Variants in UGT2A1 observed in about 807,000 individuals in gnomAD.
The protein encoded by UGT2A1 is UDP-glucuronosyltransferase 2A1.
UGT2A1 carries 61 observed loss-of-function variants against 45.4 expected under a neutral mutation model. The ratio of observed to expected loss-of-function variants is 1.34; its 90% CI spans 1.09 to 1.66. UGT2A1 has a LOEUF of 1.66. Among genes scored for constraint, UGT2A1 ranks in the 40% most tolerant of loss-of-function variants. The probability of loss-of-function intolerance (pLI) is 0.00; values close to 1 mark genes in which losing one functional copy is unlikely to be tolerated. For synonymous variants in UGT2A1, 229 were observed against 196.2 expected (o/e 1.17, Z -1.40); for missense variants, 649 against 574.3 (o/e 1.13, Z -1.33).
At chr4:69,651,954 C>T (rs1039113616) in intron 1 of UGT2A1, among the ~76,000 whole-genome samples, 14 of 152,274 alleles carry the variant, frequency 9.2e-5, no homozygotes, top group Middle Eastern at 3.4e-3. Context: ...GTCCTAGGAT[C>T]GAGGTTAAAC....
Position 69,589,234 on chromosome 4 carries a change from C to T in UGT2A1, c.*138G>A, listed in dbSNP as rs1053563082. ...CTAGGCTTTATCAGTAGGCTTATCG[C>T]AGGTAGAGAAATAGAAAATTTGGAA... On this transcript the variant is annotated 3_prime_UTR_variant, in exon 7 of 7. Transcript: ENST00000286604. 3.5e-6 allele frequency: 4 copies of T among 1,127,208 alleles called. No homozygotes were observed. The highest frequency in any genetic ancestry group is 4.8e-6 in the Non-Finnish European group (4 of 833,136). The allele number at this position is 1,127,208 out of a possible 1,614,324, so 69.8% of individuals were successfully genotyped here. A position where few individuals can be genotyped will look rare whatever the true frequency, so the allele number is the denominator to read the frequency against.
At chr4:69,624,388 C>T (rs1022606305) in intron 3 of UGT2A1, among the ~76,000 whole-genome samples, 6 of 150,984 alleles carry the variant, frequency 4.0e-5, no homozygotes, top group African/African-American at 1.2e-4. Context: ...AGAGTTTAGT[C>T]TTGCTTTTTT....
At position 69,589,661 on chromosome 4, in the gene UGT2A1, A is replaced by G; in HGVS notation, c.1305-10T>C. 1 of 1,582,532 alleles carries G rather than the reference A, an allele frequency of 6.3e-7. No individual in the cohort carries two copies. On this transcript the variant is annotated splice_polypyrimidine_tract_variant and intron_variant, in intron 6 of 6. Coordinates refer to ENST00000286604, the MANE Select transcript of UGT2A1 (RefSeq NM_001252275.3). ...AGCATTCTCTTTATAACTAGAAGAC[A>G]AATAAATAGGCAGAAATTAGACAAT... is the stretch of plus-strand genomic sequence containing the variant.
At chr4:69,616,071 G>T (rs1485805055) in intron 3 of UGT2A1, among the ~76,000 whole-genome samples, 1 of 151,978 alleles carries the variant, frequency 6.6e-6, no homozygotes, top group Non-Finnish European at 1.5e-5. Flanking sequence ...TAACTTGGAT[G>T]AATCTAGAGT....
intron 3 of UGT2A1, among the ~76,000 whole-genome samples, chr4:69,623,932 G>A (rs1490675431): frequency 6.6e-6 from 1 of 151,406 alleles, no homozygotes; most frequent in Non-Finnish European, 1.5e-5. Context: ...GAATGCCCAG[G>A]ACAAGCACCT....
At chr4:69,590,396 T>C (rs985211525) in intron 6 of UGT2A1, among the ~76,000 whole-genome samples, 1 of 152,200 alleles carries the variant, frequency 6.6e-6, no homozygotes, top group Non-Finnish European at 1.5e-5. Flanking sequence ...AAAGGCAAAC[T>C]GTGTCTTCAC....
chr4:69,606,441 C>A (rs1461216611), intron 3 of UGT2A1, among the ~76,000 whole-genome samples: 1 of 136,398 alleles, frequency 7.3e-6, no homozygotes, highest in Non-Finnish European at 1.6e-5. Flanking sequence ...TAAGAGCTAT[C>A]TATGACAGAC....
At chr4:69,600,487 G>A (rs1388346576) in intron 3 of UGT2A1, among the ~76,000 whole-genome samples, 3 of 152,194 alleles carry the variant, frequency 2.0e-5, no homozygotes, top group Admixed American at 6.5e-5. Flanking sequence ...AGTAGGAAGT[G>A]TGCTATGGCC....
In UGT2A1 at chr4:69,647,001, GA is replaced by G. The variant is rs1560497702; in HGVS notation, c.643del (p.Ser215ProfsTer24). 5 of 1,612,310 alleles carry G rather than the reference GA, an allele frequency of 3.1e-6. No individual in the cohort carries two copies. Among genetic ancestry groups the G allele is most frequent in the Non-Finnish European group, 3.4e-6 (4 of 1,178,966 alleles). ...AAACATGTAGTCCTGTAGGTGGTAGGAGATGAAATTTCTTATTCTGTCAGTG... is the reference window on the plus strand; with the variant it reads ...AAACATGTAGTCCTGTAGGTGGTAGGGATGAAATTTCTTATTCTGTCAGTG... ...SFTDRIRNFISYHLQDYMFET... is the reference protein window; with the variant it reads ...SFTDRIRNFIXYHLQDYMFET... On this transcript the variant is annotated frameshift_variant, in exon 2 of 7. Transcript: ENST00000286604. LOFTEE classifies it high-confidence loss of function.
intron 3 of UGT2A1, among the ~76,000 whole-genome samples, chr4:69,607,218 G>GCATGGTACTGGTACCAAA (rs1553904403): frequency 4.7e-5 from 7 of 150,144 alleles, no homozygotes; most frequent in Admixed American, 6.6e-5. Flanking sequence ...TACCAAAACA[G>GCATGGTACTGGTACCAAA]AGATAAAGAC....
intron 3 of UGT2A1, among the ~76,000 whole-genome samples, chr4:69,630,165 T>C (rs1338673192): frequency 6.6e-6 from 1 of 152,128 alleles, no homozygotes; most frequent in Non-Finnish European, 1.5e-5. Context: ...GTTTCCATTC[T>C]TGTAGACATT....
intron 3 of UGT2A1, among the ~76,000 whole-genome samples, chr4:69,611,868 C>T (rs1720081216): frequency 6.6e-6 from 1 of 152,146 alleles, no homozygotes; most frequent in Admixed American, 6.6e-5. Context: ...TAGTTTCCCT[C>T]ATTACACATA....
At chr4:69,595,953 A>C (rs1718897051) in intron 4 of UGT2A1, among the ~76,000 whole-genome samples, 1 of 152,208 alleles carries the variant, frequency 6.6e-6, no homozygotes, top group African/African-American at 2.4e-5. Context: ...AGTGGAGAAC[A>C]AAAAATTTCA....
chr4:69,651,842 A>G (rs1381178349), intron 1 of UGT2A1, among the ~76,000 whole-genome samples: 1 of 152,186 alleles, frequency 6.6e-6, no homozygotes, highest in Non-Finnish European at 1.5e-5. Context: ...ACAACTTCCT[A>G]AACAGACTGT....
chr4:69,627,250 T>G (rs1041939889), intron 3 of UGT2A1, among the ~76,000 whole-genome samples: 3 of 151,824 alleles, frequency 2.0e-5, no homozygotes, highest in African/African-American at 7.2e-5. Context: ...GAAATTTGTT[T>G]TGGAATTACT....
At chr4:69,615,716 ACAAACAAG>A (rs1720338310) in intron 3 of UGT2A1, among the ~76,000 whole-genome samples, 1 of 151,926 alleles carries the variant, frequency 6.6e-6, no homozygotes, top group African/African-American at 2.4e-5. Context: ...CGCCGCAAAA[ACAAACAAG>A]CAAACAAACA....
rs199765285 is a variant in UGT2A1, at chr4:69,589,548, C to T, written c.1408G>A (p.Gly470Arg). ...GCTGCAACCCGAAGGTGCTTGGCTC[C>T]TTTGTGGCGCATGACAAACTCGATC... ...FWIEFVMRHK[G>R]AKHLRVAAHD... is the part of the protein sequence containing the mutation. The change falls in exon 7 of 7, where the codon GGA (glycine) becomes AGA (arginine). Residue 470 changes from glycine (G) to arginine (R), a missense_variant. By Grantham distance (125) the Gly-to-Arg change is moderately radical. Coordinates refer to ENST00000286604, the MANE Select transcript of UGT2A1 (RefSeq NM_001252275.3). 2.1e-5 allele frequency: 34 copies of T among 1,613,944 alleles called. No homozygotes were observed. The highest frequency in any genetic ancestry group is 2.6e-5 in the Non-Finnish European group (31 of 1,179,974).
chr4:69,602,277 A>G (rs1030832310), intron 3 of UGT2A1, among the ~76,000 whole-genome samples: 3 of 137,162 alleles, frequency 2.2e-5, no homozygotes, highest in Admixed American at 7.2e-5. Flanking sequence ...GAATTTCTTT[A>G]CACCAACAAA....
chr4:69,652,681 T>A (rs1722596192), intron 1 of UGT2A1, among the ~76,000 whole-genome samples: 1 of 152,162 alleles, frequency 6.6e-6, no homozygotes, highest in African/African-American at 2.4e-5. Context: ...AATAAATATT[T>A]AAAAATCCAT....
Sources: gnomAD v4.1 joint callset for allele counts (sites outside exome capture counted in the v4.1 genomes callset) on GRCh38, gnomAD v4.1.1 for gene constraint, MANE v1.5 for transcripts, NCBI Gene and HGNC (gene_info 2026-07-23, HGNC 2026-07-21) for gene names.